The following AGBL4 variants were observed in gnomAD, a reference collection of about 807,000 sequenced individuals.
AGBL4 encodes cytosolic carboxypeptidase 6.
AGBL4 carries 58 observed loss-of-function variants against 66.4 expected under a neutral mutation model. That is an observed-to-expected ratio of 0.87 (90% CI 0.71 to 1.09). The LOEUF (loss-of-function observed/expected upper bound fraction) is 1.09. AGBL4 is among the 50% of genes least tolerant of loss of function. The pLI, the probability that AGBL4 is intolerant of heterozygous loss-of-function variation, is 0.00. For missense variants in AGBL4, 579 were observed against 631.0 expected (o/e 0.92, Z 0.88); for synonymous variants, 234 against 222.9 (o/e 1.05, Z -0.44).
chr1:49,342,375 C>T (rs1645558014), intron 3 of AGBL4, among the ~76,000 whole-genome samples: 1 of 152,122 alleles, frequency 6.6e-6, no homozygotes, highest in Non-Finnish European at 1.5e-5. Flanking sequence ...TATAAAAAGC[C>T]CATTGTTCAA....
In AGBL4 at chr1:49,214,215, G is replaced by A. The variant is rs544466424; in HGVS notation, c.377+31555C>T. Among the ~76,000 whole-genome samples, 3 of 152,156 alleles carry A rather than the reference G, an allele frequency of 2.0e-5. No individual in the cohort carries two copies. In the South Asian group the frequency reaches 6.2e-4, roughly 32 times the overall value. On this transcript the variant is annotated intron_variant, in intron 4 of 13. Coordinates refer to ENST00000371839, the MANE Select transcript of AGBL4 (RefSeq NM_032785.4). The stretch of plus-strand genomic sequence containing the variant: ...TTATTTGGGAAATAATTTTAGTAAT[G>A]CTAGGCAATTCAGAATAGTAAGAAA...
chr1:48,738,691 T>C (rs928546492), intron 6 of AGBL4, among the ~76,000 whole-genome samples: 2 of 152,176 alleles, frequency 1.3e-5, no homozygotes, highest in Non-Finnish European at 2.9e-5. Context: ...AAATCTCTGC[T>C]TTTTTCCCCC....
chr1:48,764,600 A>G (rs1295601447), intron 6 of AGBL4, among the ~76,000 whole-genome samples: 1 of 152,232 alleles, frequency 6.6e-6, no homozygotes, highest in East Asian at 1.9e-4. Context: ...GTGGCCTTGA[A>G]TGCCAAGTTA....
intron 3 of AGBL4, among the ~76,000 whole-genome samples, chr1:49,569,295 G>A (rs964511216): frequency 6.6e-6 from 1 of 152,030 alleles, no homozygotes; most frequent in African/African-American, 2.4e-5. Flanking sequence ...GAAAGAATGG[G>A]TAAAACCTAC....
chr1:49,846,850 T>G (rs1175404380), intron 2 of AGBL4, among the ~76,000 whole-genome samples: 5 of 152,216 alleles, frequency 3.3e-5, no homozygotes, highest in African/African-American at 1.2e-4. Context: ...GTGATCACAC[T>G]GCCCAAAGCA....
intron 1 of AGBL4, among the ~76,000 whole-genome samples, chr1:49,938,160 G>A (rs1399369607): frequency 3.3e-5 from 5 of 151,148 alleles, no homozygotes; most frequent in Admixed American, 6.6e-5. Flanking sequence ...ATGATAAAGG[G>A]GATATCACCA....
rs71059566 is a variant in AGBL4, at chr1:49,948,564, AATATATAT to A, written c.34+75191_34+75198del. ...ATATAAATATATATAAATATATAAAAATATATATATATATATATAGAGAGAGAGAGAGA... is the reference window on the plus strand; with the variant it reads ...ATATAAATATATATAAATATATAAAAATATATATATAGAGAGAGAGAGAGA... On this transcript the variant is annotated intron_variant, in intron 1 of 13. Transcript: ENST00000371839. Among the ~76,000 whole-genome samples, 320 of 64,592 alleles carry A rather than the reference AATATATAT, an allele frequency of 5.0e-3. 4 individuals carry two copies. The highest frequency in any genetic ancestry group is 8.8e-3 in the Middle Eastern group (1 of 114). The allele number at this position is 64,592 out of a possible 152,430, so 42.4% of individuals were successfully genotyped here.
rs550001954 is a variant in AGBL4, at chr1:49,057,274, C to T, written c.378-11474G>A. Among the ~76,000 whole-genome samples the T allele has an allele frequency of 4.6e-5, 7 of 152,156 alleles. No individual in the cohort carries two copies. The East Asian group carries it at 1.4e-3, about 30-fold the overall frequency. Reference sequence around the variant, plus strand: ...AGAAAAGAAAAATATAAAAGTTAGCCAGGTGCGGTGGCACGAACCTATAGT... The same window carrying T: ...AGAAAAGAAAAATATAAAAGTTAGCTAGGTGCGGTGGCACGAACCTATAGT... On this transcript the variant is annotated intron_variant, in intron 4 of 13. Coordinates refer to ENST00000371839, the MANE Select transcript of AGBL4 (RefSeq NM_032785.4).
At chr1:49,262,740 A>G (rs1365274285) in intron 3 of AGBL4, among the ~76,000 whole-genome samples, 2 of 152,202 alleles carry the variant, frequency 1.3e-5, no homozygotes, top group African/African-American at 4.8e-5. Flanking sequence ...TGTGGAGGTC[A>G]GTGTGGCGAT....
chr1:49,245,804 C>T lies in AGBL4; in HGVS notation c.343G>A (p.Ala115Thr). The T allele has an allele frequency of 6.5e-7, 1 of 1,549,738 alleles. No homozygotes were observed. The highest frequency in any genetic ancestry group is 1.2e-5 in the South Asian group (1 of 83,970). The change falls in exon 4 of 14, where the codon GCC (alanine) becomes ACC (threonine). Residue 115 changes from alanine to threonine, a missense_variant. By Grantham distance (58) the Ala-to-Thr change is moderately conservative (BLOSUM62 0). Transcript: ENST00000371839. ...KTKSLYRDGM[A>T]PMVKSTSRPK... The stretch of plus-strand genomic sequence containing the variant: ...CTGCTGGTAGATTTCACCATAGGGG[C>T]CATCCCATCTCTATAGAGACTCTTG...
intron 2 of AGBL4, among the ~76,000 whole-genome samples, chr1:49,734,646 T>A (rs1649720388): frequency 1.3e-5 from 2 of 152,034 alleles, no homozygotes; most frequent in Non-Finnish European, 2.9e-5. Context: ...AAGATCCAAA[T>A]AAACAGGACT....
chr1:49,689,587 T>G (rs1342719180), intron 3 of AGBL4, among the ~76,000 whole-genome samples: 1 of 152,140 alleles, frequency 6.6e-6, no homozygotes, highest in Non-Finnish European at 1.5e-5. Flanking sequence ...ATTTTAGGAT[T>G]TTTTCTATTT....
At chr1:49,792,688 T>C (rs915275026) in intron 2 of AGBL4, among the ~76,000 whole-genome samples, 2 of 152,030 alleles carry the variant, frequency 1.3e-5, no homozygotes, top group African/African-American at 4.8e-5. Flanking sequence ...TCTTATGAAC[T>C]GTTAAAATGC....
At position 48,615,456 on chromosome 1, in the gene AGBL4, C is replaced by T. The variant is rs543380356; in HGVS notation, c.951+19037G>A. ...AGAAATCTGAGCTACAGGGGAAACA[C>T]CAGATTGAAACTTGAATTAAAACAG... On this transcript the variant is annotated intron_variant, in intron 9 of 13. Transcript: ENST00000371839. Among the ~76,000 whole-genome samples, 4 of 152,196 alleles carry T rather than the reference C, an allele frequency of 2.6e-5. No individual in the cohort carries two copies. In the South Asian group the frequency reaches 6.2e-4, roughly 24 times the overall value.
chr1:49,004,256 C>T (rs557782376), intron 5 of AGBL4, among the ~76,000 whole-genome samples: 3 of 152,214 alleles, frequency 2.0e-5, no homozygotes, highest in Non-Finnish European at 2.9e-5. Context: ...AACTGGTAAG[C>T]GGCTCCTAGT....
At chr1:49,986,800 T>C (rs1220810006) in intron 1 of AGBL4, among the ~76,000 whole-genome samples, 1 of 152,118 alleles carries the variant, frequency 6.6e-6, no homozygotes, top group Non-Finnish European at 1.5e-5. Flanking sequence ...ACTTGAACAG[T>C]TAACTTTCTT....
chr1:49,653,556 G>A (rs78031937), intron 3 of AGBL4, among the ~76,000 whole-genome samples: 6,944 of 151,916 alleles, frequency 0.046, 256 homozygotes, highest in East Asian at 0.15. Flanking sequence ...TCATTGCAAA[G>A]AAATGAAGAA....
rs1211264005 is a variant in AGBL4 at position 49,710,484 on chromosome 1, T to C, written c.158-13047A>G. 3.3e-5 allele frequency among the ~76,000 whole-genome samples: 5 copies of C among 152,262 alleles called. No homozygotes were observed. The East Asian group carries it at 9.6e-4, about 29-fold the overall frequency. ...GGATAGCATTAGGAGAAATACCTAA[T>C]GTAGATGACAGGTTGATGGGTGCAG... is the stretch of plus-strand genomic sequence containing the variant. On this transcript the variant is annotated intron_variant, in intron 2 of 13. Coordinates refer to ENST00000371839, the MANE Select transcript of AGBL4 (RefSeq NM_032785.4).
intron 1 of AGBL4, among the ~76,000 whole-genome samples, chr1:49,948,335 T>A (rs1261908110): frequency 9.3e-6 from 1 of 107,788 alleles, no homozygotes; most frequent in Non-Finnish European, 1.7e-5. Context: ...TAAACATATA[T>A]AAATATATAA....
Sources: allele counts gnomAD v4.1 joint callset (sites outside exome capture counted in the v4.1 genomes callset), GRCh38; gene constraint gnomAD v4.1.1; transcripts MANE v1.5; gene names NCBI Gene and HGNC (gene_info 2026-07-23, HGNC 2026-07-21).